RAD51B: variants seen among roughly 807,000 people sequenced by gnomAD.
RAD51B encodes DNA repair protein RAD51 homolog 2.
In RAD51B, 38 loss-of-function variants were observed where a neutral mutation model predicts 42.2. That is an observed-to-expected ratio of 0.90 (90% confidence interval 0.70 to 1.18). RAD51B has a LOEUF of 1.18. RAD51B is among the 50% of genes most tolerant of loss of function. RAD51B has a pLI of 0.00. For synonymous variants in RAD51B, 154 were observed against 145.2 expected (o/e 1.06, Z -0.43); for missense variants, 373 against 400.7 (o/e 0.93, Z 0.59).
intron 10 of RAD51B, among the ~76,000 whole-genome samples, chr14:68,554,120 T>C (rs903665962): frequency 6.6e-6 from 1 of 152,156 alleles, no homozygotes; most frequent in African/African-American, 2.4e-5. Context: ...GGTGATGATA[T>C]GTGTAAGTGT....
At chr14:68,205,930 A>G (rs1566728315) in intron 7 of RAD51B, among the ~76,000 whole-genome samples, 2 of 152,174 alleles carry the variant, frequency 1.3e-5, no homozygotes, top group East Asian at 3.8e-4. Context: ...TATCTAATCT[A>G]CCATTTATAT....
intron 7 of RAD51B, among the ~76,000 whole-genome samples, chr14:68,123,090 C>T (rs2077683482): frequency 6.6e-6 from 1 of 152,024 alleles, no homozygotes; most frequent in South Asian, 2.1e-4. Context: ...AGTGCAAATC[C>T]TTTTATGTTT....
At chr14:68,192,753 T>C (rs2079292170) in intron 7 of RAD51B, among the ~76,000 whole-genome samples, 1 of 152,214 alleles carries the variant, frequency 6.6e-6, no homozygotes. Context: ...TTTTAACTTT[T>C]TGGTTTTAAA....
intron 1 of RAD51B, among the ~76,000 whole-genome samples, chr14:67,822,791 T>C (rs888510153): frequency 8.5e-5 from 13 of 152,152 alleles, no homozygotes; most frequent in African/African-American, 3.1e-4. Flanking sequence ...AAAATCTCAT[T>C]TGATTCAGAA....
chr14:68,574,183 G>A (rs989123311), intron 10 of RAD51B, among the ~76,000 whole-genome samples: 4 of 152,020 alleles, frequency 2.6e-5, no homozygotes, highest in Admixed American at 1.3e-4. Flanking sequence ...ACCTTGGCTC[G>A]CTGCAGCTTC....
At chr14:68,641,402 A>G (rs1212381688) in intron 10 of RAD51B, among the ~76,000 whole-genome samples, 1 of 152,122 alleles carries the variant, frequency 6.6e-6, no homozygotes, top group East Asian at 1.9e-4. Flanking sequence ...CATTTACAAC[A>G]AAGTTTTCTT....
intron 7 of RAD51B, among the ~76,000 whole-genome samples, chr14:68,131,508 C>CA (rs1315666988): frequency 6.6e-6 from 1 of 152,082 alleles, no homozygotes; most frequent in Non-Finnish European, 1.5e-5. Flanking sequence ...CCAGCCTGAC[C>CA]AACATGGTGA....
chr14:67,863,150 ATTTTTTTTT>A (rs5809367), intron 4 of RAD51B, among the ~76,000 whole-genome samples: 2 of 74,032 alleles, frequency 2.7e-5, no homozygotes, highest in Non-Finnish European at 5.7e-5. Context: ...AAATATGGGA[ATTTTTTTTT>A]TTTTTTTTTT....
Position 68,582,594 on chromosome 14 carries a change from G to T in RAD51B, c.1037-11891G>T, listed in dbSNP as rs549535583. 4.6e-5 allele frequency among the ~76,000 whole-genome samples: 7 copies of T among 152,288 alleles called. No homozygotes were observed. The South Asian group carries it at 1.5e-3, about 32-fold the overall frequency. ...TCCAACCATTGTGGAAGACAGTGTG[G>T]CAATTCCTCAAGGATCTAGAACCAG... On this transcript the variant is annotated intron_variant, in intron 10 of 10. Coordinates refer to the RAD51B transcript ENST00000487270.
chr14:68,051,179 G>A (rs2076387160), intron 7 of RAD51B, among the ~76,000 whole-genome samples: 1 of 151,810 alleles, frequency 6.6e-6, no homozygotes, highest in African/African-American at 2.4e-5. Context: ...ATAAAATAAT[G>A]TTAAAATTTA....
chr14:68,572,686 C>T (rs548299278), intron 10 of RAD51B, among the ~76,000 whole-genome samples: 2 of 152,254 alleles, frequency 1.3e-5, no homozygotes, highest in Admixed American at 6.5e-5. Context: ...TGACTTGTCC[C>T]GACCTCCCAG....
intron 10 of RAD51B, chr14:68,627,318 C>T (rs140377886): frequency 6.6e-6 from 1 of 152,302 alleles, no homozygotes; most frequent in Non-Finnish European, 1.5e-5. Flanking sequence ...CATAAAAATC[C>T]CTTTGCTTTC....
At chr14:68,272,648 TATATATATATATATATA>T (rs1275778363) in intron 7 of RAD51B, among the ~76,000 whole-genome samples, 14 of 16,822 alleles carry the variant, frequency 8.3e-4, no homozygotes, top group African/African-American at 3.7e-3. Flanking sequence ...TATATATATA[TATATATATATATATATA>T]TTTTTTTTTT....
At chr14:68,428,727 AT>A (rs2084917814) in intron 9 of RAD51B, among the ~76,000 whole-genome samples, 3 of 5,792 alleles carry the variant, frequency 5.2e-4, no homozygotes, top group South Asian at 0.056. Context: ...ATATATATAT[AT>A]ATATATATAT....
intron 7 of RAD51B, among the ~76,000 whole-genome samples, chr14:68,210,911 A>G (rs1719833228): frequency 6.6e-6 from 1 of 152,194 alleles, no homozygotes; most frequent in Non-Finnish European, 1.5e-5. Flanking sequence ...GTCACCAAGT[A>G]AAATGAAGGG....
intron 8 of RAD51B, among the ~76,000 whole-genome samples, 181 bp downstream of exon 8, chr14:68,292,161 C>T (rs891118346): frequency 2.0e-5 from 3 of 152,188 alleles, no homozygotes; most frequent in Non-Finnish European, 2.9e-5. Flanking sequence ...ATTGGGGAGT[C>T]TTTTGCCCTG....
intron 7 of RAD51B, among the ~76,000 whole-genome samples, chr14:67,947,443 G>A (rs569251991): frequency 6.6e-6 from 1 of 152,266 alleles, no homozygotes; most frequent in East Asian, 1.9e-4. Flanking sequence ...ACTGTGTTCG[G>A]TTTACCTTGT....
chr14:68,261,278 G>T (rs544935381), intron 7 of RAD51B, among the ~76,000 whole-genome samples: 4 of 152,362 alleles, frequency 2.6e-5, no homozygotes, highest in Admixed American at 2.6e-4. Context: ...CAGGAAAAGA[G>T]ATCTGTGTGA....
chr14:68,644,739 G>T (rs1892530891), intron 10 of RAD51B, among the ~76,000 whole-genome samples: 1 of 152,010 alleles, frequency 6.6e-6, no homozygotes. Context: ...ATCAGGCACT[G>T]GTTTGTCGTT....
Sources: gnomAD v4.1 joint callset for allele counts (sites outside exome capture counted in the v4.1 genomes callset) on GRCh38, gnomAD v4.1.1 for gene constraint, MANE v1.5 for transcripts, NCBI Gene and HGNC (gene_info 2026-07-23, HGNC 2026-07-21) for gene names.